The following ZNF827 variants were observed in gnomAD, a reference collection of about 807,000 sequenced individuals.
ZNF827 encodes zinc finger protein 827.
Under a neutral mutation model 102.4 loss-of-function variants are expected in ZNF827, and 13 were observed. The observed-to-expected ratio is 0.13, with a 90% CI of 0.08 to 0.20. The LOEUF (loss-of-function observed/expected upper bound fraction) is 0.20. ZNF827 is among the 10% of genes least tolerant of loss of function. The probability of loss-of-function intolerance (pLI) is 1.00; values close to 1 mark genes in which losing one functional copy is unlikely to be tolerated. For missense variants in ZNF827, 1,103 were observed against 1,344.4 expected (o/e 0.82, Z 2.81); for synonymous variants, 523 against 536.2 (o/e 0.98, Z 0.34).
intron 8 of ZNF827, among the ~76,000 whole-genome samples, chr4:145,789,528 A>T (rs1367917221): frequency 6.6e-6 from 1 of 152,360 alleles, no homozygotes; most frequent in Non-Finnish European, 1.5e-5. Context: ...TGTATTAGAC[A>T]CTATTATTAT....
intron 4 of ZNF827, among the ~76,000 whole-genome samples, chr4:145,883,638 C>T (rs1207519861): frequency 2.0e-5 from 3 of 152,200 alleles, no homozygotes; most frequent in Non-Finnish European, 4.4e-5. Flanking sequence ...CCAAACCTTC[C>T]CTGTTCTCGC....
chr4:145,760,025 T>A lies in ZNF827; in HGVS notation c.*1591A>T, dbSNP rs1020280443. ...TGATGTTAGCTGCAGTGCTGCGAGA[T>A]ATTTCTTCCAGATCAGTCACTTGAT... On this transcript the variant is annotated 3_prime_UTR_variant, in exon 15 of 15. Coordinates refer to ENST00000508784, the MANE Select transcript of ZNF827 (RefSeq NM_001306215.2). 1 of 152,252 alleles carries A rather than the reference T, an allele frequency of 6.6e-6. No homozygotes were observed. The highest frequency in any genetic ancestry group is 6.5e-5 in the Admixed American group (1 of 15,290). The allele number at this position is 152,252 out of a possible 1,614,324, so 9.4% of individuals were successfully genotyped here. A position where few individuals can be genotyped will look rare whatever the true frequency, so the allele number is the denominator to read the frequency against.
rs1734294860 is a variant in ZNF827, at chr4:145,760,195, G to C, written c.*1421C>G. 6.6e-6 allele frequency: 1 copy of C among 152,224 alleles called. No homozygotes were observed. Among genetic ancestry groups the C allele is most frequent in the Non-Finnish European group, 1.5e-5 (1 of 68,076 alleles). 9.4% of individuals were successfully genotyped at this position (152,224 alleles called of 1,614,324 possible). ...CACTCTGTAGCCATCAAAGAGAGAG[G>C]GAAAGGTGATGAAGGAGCACAGGGA... On this transcript the variant is annotated 3_prime_UTR_variant, in exon 15 of 15. Transcript: ENST00000508784.
chr4:145,764,707 G>A lies in ZNF827; in HGVS notation c.3230+281C>T, dbSNP rs139446851. On this transcript the variant is annotated intron_variant, in intron 13 of 14. Coordinates refer to ENST00000508784, the MANE Select transcript of ZNF827 (RefSeq NM_001306215.2). ...GTCTGAACAAAACTCAAGCAGTGTA[G>A]TCTATTCTTGCATGCTGGGTTGTTT... 1,092 of 449,902 alleles carry A rather than the reference G, an allele frequency of 2.4e-3. 10 individuals are homozygous for A. The highest frequency in any genetic ancestry group is 0.02 in the African/African-American group (992 of 50,716). 27.9% of individuals were successfully genotyped at this position (449,902 alleles called of 1,614,324 possible).
At chr4:145,821,387 TTTGA>T (rs2126478886) in intron 8 of ZNF827, among the ~76,000 whole-genome samples, 1 of 152,338 alleles carries the variant, frequency 6.6e-6, no homozygotes, top group East Asian at 1.9e-4. Context: ...CACCGTTAAC[TTTGA>T]TTAATTCAGG....
chr4:145,855,023 T>C (rs1746925365), intron 5 of ZNF827, among the ~76,000 whole-genome samples: 1 of 152,238 alleles, frequency 6.6e-6, no homozygotes, highest in Non-Finnish European at 1.5e-5. Flanking sequence ...GTTTGCCCCA[T>C]ACATCACCTG....
intron 8 of ZNF827, among the ~76,000 whole-genome samples, chr4:145,817,216 G>C (rs1023612611): frequency 2.0e-5 from 3 of 152,098 alleles, no homozygotes; most frequent in African/African-American, 7.2e-5. Context: ...ACTACTTATG[G>C]TGACTTTTCC....
At chr4:145,937,944 ATT>A (rs1204657253) in intron 1 of ZNF827, among the ~76,000 whole-genome samples, 1 of 140,478 alleles carries the variant, frequency 7.1e-6, no homozygotes. Flanking sequence ...TCCACAAGGA[ATT>A]TTTTTTTTTT....
At chr4:145,901,477 T>C (rs897713072) in intron 2 of ZNF827, among the ~76,000 whole-genome samples, 6 of 152,190 alleles carry the variant, frequency 3.9e-5, no homozygotes, top group African/African-American at 1.4e-4. Flanking sequence ...AGAAAAACCT[T>C]AGGATTCAAA....
intron 8 of ZNF827, among the ~76,000 whole-genome samples, chr4:145,800,866 T>C (rs964227637): frequency 3.3e-5 from 5 of 152,232 alleles, no homozygotes; most frequent in Non-Finnish European, 7.3e-5. Flanking sequence ...ATACATCTAA[T>C]GTATCCTGGG....
At chr4:145,853,914 CT>C (rs1246513594) in intron 5 of ZNF827, among the ~76,000 whole-genome samples, 3 of 151,462 alleles carry the variant, frequency 2.0e-5, no homozygotes, top group Admixed American at 6.6e-5. Flanking sequence ...GCAGTAAGCC[CT>C]GATTGCACCA....
intron 7 of ZNF827, among the ~76,000 whole-genome samples, chr4:145,830,275 G>GT (rs71592423): frequency 0.28 from 41,420 of 147,828 alleles, 6,703 homozygotes; most frequent in East Asian, 0.76. Context: ...CAAAAAAAGT[G>GT]TTTTTTTTTT....
At chr4:145,792,538 T>A (rs1739853094) in intron 8 of ZNF827, among the ~76,000 whole-genome samples, 1 of 152,048 alleles carries the variant, frequency 6.6e-6, no homozygotes, top group Admixed American at 6.6e-5. Context: ...ATATAATTTT[T>A]TTTTTTAAGA....
At position 145,765,238 on chromosome 4, in the gene ZNF827, C is replaced by T. The variant is rs1735105067; in HGVS notation, c.3053-73G>A. On this transcript the variant is annotated intron_variant, in intron 12 of 14. Coordinates refer to ENST00000508784, the MANE Select transcript of ZNF827 (RefSeq NM_001306215.2). This position sits in a 1 kb window ranked among gnomAD's most constrained non-coding sequence, Gnocchi z 4.7. ...AGGAGGGCAGGAGTGGAGCCAAGCT[C>T]CTCCCCACTTCCTCCCGCCTCCTCC... 6.8e-7 allele frequency: 1 copy of T among 1,465,996 alleles called. No homozygotes were observed. The highest frequency in any genetic ancestry group is 9.1e-7 in the Non-Finnish European group (1 of 1,097,030). 90.8% of individuals were successfully genotyped at this position (1,465,996 alleles called of 1,614,324 possible). A position where few individuals can be genotyped will look rare whatever the true frequency, so the allele number is the denominator to read the frequency against.
At chr4:145,887,033 C>G (rs1168716644) in intron 3 of ZNF827, among the ~76,000 whole-genome samples, 1 of 152,226 alleles carries the variant, frequency 6.6e-6, no homozygotes, top group Non-Finnish European at 1.5e-5. Context: ...TTGTAACTTC[C>G]CCATTTATCT....
intron 8 of ZNF827, among the ~76,000 whole-genome samples, chr4:145,813,278 C>T (rs1473165737): frequency 6.6e-6 from 1 of 152,110 alleles, no homozygotes; most frequent in African/African-American, 2.4e-5. Context: ...CACATCAGCA[C>T]GGGAAGAGTG....
At chr4:145,825,454 T>G (rs1743575773) in intron 7 of ZNF827, among the ~76,000 whole-genome samples, 1 of 152,196 alleles carries the variant, frequency 6.6e-6, no homozygotes, top group Non-Finnish European at 1.5e-5. Flanking sequence ...CTGGGGGACT[T>G]GCAGAAGACA....
At position 145,790,292 on chromosome 4, in the gene ZNF827, G is replaced by A. The variant is rs568236196; in HGVS notation, c.2384-10781C>T. 1.6e-4 allele frequency among the ~76,000 whole-genome samples: 25 copies of A among 152,084 alleles called. 1 individual carries two copies. The South Asian group carries it at 5.0e-3, about 30-fold the overall frequency. On this transcript the variant is annotated intron_variant, in intron 8 of 14. Transcript: ENST00000508784. ...TTTTCTCTTGTTTGTCATTGAACTA[G>A]GTTTTCAATATATATTAATACTTAC...
chr4:145,866,235 T>C (rs1748183321), intron 5 of ZNF827, among the ~76,000 whole-genome samples: 1 of 152,222 alleles, frequency 6.6e-6, no homozygotes, highest in African/African-American at 2.4e-5. Context: ...CTGTTATTTA[T>C]AACCAAAGGG....
Sources: allele counts gnomAD v4.1 joint callset (sites outside exome capture counted in the v4.1 genomes callset), GRCh38; gene constraint gnomAD v4.1.1; non-coding constraint Gnocchi (gnomAD v3.1); transcripts MANE v1.5; gene names NCBI Gene and HGNC (gene_info 2026-07-23, HGNC 2026-07-21).